The following C15orf40 variants were observed in gnomAD, a reference collection of about 807,000 sequenced individuals.
The protein encoded by C15orf40 is UPF0235 protein C15orf40.
In C15orf40, 9 loss-of-function variants were observed where a neutral mutation model predicts 13.9. That is an observed-to-expected ratio of 0.65 (90% CI 0.39 to 1.13). C15orf40 has a LOEUF of 1.13. Among genes scored for constraint, C15orf40 ranks in the 50% most tolerant of loss-of-function variants. The pLI, the probability that C15orf40 is intolerant of heterozygous loss-of-function variation, is 0.01. For synonymous variants in C15orf40, 95 were observed against 69.2 expected, an observed-to-expected ratio of 1.37 and a Z score of -1.85; for missense variants, 225 against 188.5, an observed-to-expected ratio of 1.19 and a Z score of -1.13.
At position 82,996,880 on chromosome 15, in the gene C15orf40, T is replaced by A. The variant is rs2031106926; in HGVS notation, c.*8717A>T. ...AACAAGAAAAAAATTTAGCCAGGCA[T>A]GGTGGCTCAGGCCTGTAATCCCAGC... On this transcript the variant is annotated 3_prime_UTR_variant, in exon 4 of 4. Transcript: ENST00000304177. The A allele has an allele frequency of 6.6e-6, 1 of 150,854 alleles. No individual in the cohort carries two copies. The highest frequency in any genetic ancestry group is 1.5e-5 in the Non-Finnish European group (1 of 67,736). The allele number at this position is 150,854 out of a possible 1,614,324, so 9.3% of individuals were successfully genotyped here.
chr15:83,008,925 C>T lies in C15orf40; in HGVS notation c.239-250G>A, dbSNP rs577770984. ...ACCCAATCTTGCCGACCAAGATGGG[C>T]TTACAGAGCCCTGGGGAATATCCTG... On this transcript the variant is annotated intron_variant, in intron 2 of 3. Coordinates refer to ENST00000304177, the MANE Select transcript of C15orf40 (RefSeq NM_144597.3). Among the ~76,000 whole-genome samples, 12 of 152,284 alleles carry T rather than the reference C, an allele frequency of 7.9e-5. No homozygotes were observed. The East Asian group carries it at 1.9e-3, about 24-fold the overall frequency.
At position 82,997,146 on chromosome 15, in the gene C15orf40, C is replaced by G. The variant is rs1205365980; in HGVS notation, c.*8451G>C. The G allele has an allele frequency of 6.6e-6, 1 of 150,430 alleles. No individual in the cohort carries two copies. The highest frequency in any genetic ancestry group is 1.5e-5 in the Non-Finnish European group (1 of 67,704). 9.3% of individuals were successfully genotyped at this position (150,430 alleles called of 1,614,324 possible). A position where few individuals can be genotyped will look rare whatever the true frequency, so the allele number is the denominator to read the frequency against. ...AATTTCATACCGTTTTCAGCCTCTT[C>G]TCTGTTGCACTGTTTCCAACATGGT... On this transcript the variant is annotated 3_prime_UTR_variant, in exon 4 of 4. Coordinates refer to ENST00000304177, the MANE Select transcript of C15orf40 (RefSeq NM_144597.3).
At chr15:82,991,931 C>T, downstream of C15orf40, 1 of 1,288,818 alleles carries the variant, frequency 7.8e-7, no homozygotes, top group Admixed American at 2.3e-5. Flanking sequence ...AAAAATATCA[C>T]CTGGTTGGGT....
rs748196736 is a variant in C15orf40, at chr15:83,011,477, C to T, written c.111+20G>A. The T allele has an allele frequency of 1.3e-6, 2 of 1,591,292 alleles. No homozygotes were observed. Among genetic ancestry groups the T allele is most frequent in the East Asian group, 2.3e-5 (1 of 43,668 alleles). On this transcript the variant is annotated intron_variant, in intron 1 of 3. Coordinates refer to ENST00000304177, the MANE Select transcript of C15orf40 (RefSeq NM_144597.3). ...ACCCCTGAGGCCCACCCCTCTGCCG[C>T]CACGGGACCTGCTACTGGCCTTGGT...
At chr15:82,989,741 A>G (rs948709926), downstream of C15orf40, 17 of 1,110,258 alleles carry the variant, frequency 1.5e-5, no homozygotes, top group Admixed American at 5.7e-5. Flanking sequence ...AACTGGCACT[A>G]TAACATTCTA....
At chr15:82,990,660 A>G, downstream of C15orf40, 1 of 1,530,512 alleles carries the variant, frequency 6.5e-7, no homozygotes, top group Non-Finnish European at 8.9e-7. Flanking sequence ...ATAAAGCTGT[A>G]AAATAAGGAA....
chr15:82,991,717 A>G (rs1180677081), downstream of C15orf40, among the ~76,000 whole-genome samples: 1 of 152,186 alleles, frequency 6.6e-6, no homozygotes, highest in Non-Finnish European at 1.5e-5. Context: ...TTTATTGGAA[A>G]TGACCTAATA....
At chr15:83,008,493 T>C (rs1221331828) in intron 3 of C15orf40, 55 bp downstream of exon 3, 9 of 1,583,196 alleles carry the variant, frequency 5.7e-6, no homozygotes, top group Non-Finnish European at 7.7e-6. Flanking sequence ...CACTCCAGCT[T>C]GGGCGACAGA....
downstream of C15orf40, chr15:82,990,883 T>C: frequency 2.2e-6 from 1 of 464,490 alleles, no homozygotes. Context: ...GTGGGCTGAT[T>C]TTACAATGTT....
At position 82,996,651 on chromosome 15, in the gene C15orf40, AT is replaced by A. The variant is rs1244482160; in HGVS notation, c.*8945del. ...GAGTGAGACTCCGTCTCAAAATAAA[AT>A]TAAAATAAAATAAAATAATAAAATA... On this transcript the variant is annotated 3_prime_UTR_variant, in exon 4 of 4. Coordinates refer to ENST00000304177, the MANE Select transcript of C15orf40 (RefSeq NM_144597.3). 1 of 147,880 alleles carries A rather than the reference AT, an allele frequency of 6.8e-6. No individual in the cohort carries two copies. The highest frequency in any genetic ancestry group is 1.5e-5 in the Non-Finnish European group (1 of 66,602). 9.2% of individuals were successfully genotyped at this position (147,880 alleles called of 1,614,324 possible).
At chr15:83,011,349 G>T in intron 1 of C15orf40, 148 bp downstream of exon 1, 4 of 836,958 alleles carry the variant, frequency 4.8e-6, no homozygotes, top group South Asian at 4.3e-5. Flanking sequence ...CAGCTCTGGG[G>T]GTGGCGGCGG....
At chr15:82,994,435 T>G (rs1175190388), downstream of C15orf40, among the ~76,000 whole-genome samples, 1 of 152,210 alleles carries the variant, frequency 6.6e-6, no homozygotes, top group Non-Finnish European at 1.5e-5. Context: ...TTCATTTGAT[T>G]CATTCAATCC....
downstream of C15orf40, among the ~76,000 whole-genome samples, chr15:82,993,326 C>T (rs954128265): frequency 2.0e-5 from 3 of 152,046 alleles, no homozygotes; most frequent in African/African-American, 4.8e-5. Context: ...AATTGTAAAG[C>T]GTAGTGTTGA....
chr15:82,989,716 A>C (rs934342977), downstream of C15orf40, among the ~76,000 whole-genome samples: 5 of 152,372 alleles, frequency 3.3e-5, no homozygotes, highest in Non-Finnish European at 7.3e-5. Flanking sequence ...TTTCAATCTT[A>C]GGAAAGTTTT....
downstream of C15orf40, among the ~76,000 whole-genome samples, chr15:82,989,429 T>C (rs2030762592): frequency 6.6e-6 from 1 of 152,274 alleles, no homozygotes; most frequent in Non-Finnish European, 1.5e-5. Context: ...GTTTTTTCTG[T>C]AGACTAATAT....
At chr15:83,006,716 A>C (rs995793875) in intron 3 of C15orf40, among the ~76,000 whole-genome samples, 2 of 152,250 alleles carry the variant, frequency 1.3e-5, no homozygotes, top group African/African-American at 4.8e-5. Context: ...CAGTGAGCCG[A>C]GATTGCGCCA....
At position 83,004,835 on chromosome 15, in the gene C15orf40, T is replaced by TC; in HGVS notation, c.*761dup. 5 of 1,284,506 alleles carry TC rather than the reference T, an allele frequency of 3.9e-6. No homozygotes were observed. The highest frequency in any genetic ancestry group is 5.1e-6 in the Non-Finnish European group (5 of 976,228). The allele number at this position is 1,284,506 out of a possible 1,614,324, so 79.6% of individuals were successfully genotyped here. On this transcript the variant is annotated 3_prime_UTR_variant, in exon 4 of 4. Transcript: ENST00000304177. ...ACTTGTAAACTGGATTAGAAGGCAA[T>TC]CCCCAGAATTCCAGAACCGTTGTGG...
At chr15:83,005,932 A>G (rs921536063) in intron 3 of C15orf40, among the ~76,000 whole-genome samples, 1 of 152,136 alleles carries the variant, frequency 6.6e-6, no homozygotes, top group African/African-American at 2.4e-5. Context: ...AAAGCTGGAC[A>G]TTAAAATCTC....
rs1443201905 is a variant in C15orf40 at position 82,998,592 on chromosome 15, T to C, written c.*7005A>G. The stretch of plus-strand genomic sequence containing the variant: ...ATGATGGGCGGCCGGGCAGAGACGC[T>C]CCTCACTTCCTAGATGTGATGGCGG... On this transcript the variant is annotated 3_prime_UTR_variant, in exon 4 of 4. Coordinates refer to ENST00000304177, the MANE Select transcript of C15orf40 (RefSeq NM_144597.3). 2 of 70,282 alleles carry C rather than the reference T, an allele frequency of 2.8e-5. No individual in the cohort carries two copies. The highest frequency in any genetic ancestry group is 1.3e-4 in the African/African-American group (2 of 15,390). The allele number at this position is 70,282 out of a possible 1,614,324, so 4.4% of individuals were successfully genotyped here. A position where few individuals can be genotyped will look rare whatever the true frequency, so the allele number is the denominator to read the frequency against.
Sources: gnomAD v4.1 joint callset for allele counts (sites outside exome capture counted in the v4.1 genomes callset) on GRCh38, gnomAD v4.1.1 for gene constraint, MANE v1.5 for transcripts, NCBI Gene and HGNC (gene_info 2026-07-23, HGNC 2026-07-21) for gene names.